Variants in OCA2 observed in about 807,000 individuals in gnomAD.
OCA2 encodes OCA2 melanosomal transmembrane protein, also known as P protein.
A neutral mutation model predicts 100.2 loss-of-function variants in OCA2; 77 were observed. That is an observed-to-expected ratio of 0.77 (90% CI 0.64 to 0.93). The LOEUF (loss-of-function observed/expected upper bound fraction) is 0.93. Among genes scored for constraint, OCA2 ranks in the 40% least tolerant of loss-of-function variants. The pLI, the probability that OCA2 is intolerant of heterozygous loss-of-function variation, is 0.00. For synonymous variants in OCA2, 432 were observed against 439.2 expected, an observed-to-expected ratio of 0.98 and a Z score of 0.21; for missense variants, 1,062 against 1,089.1, an observed-to-expected ratio of 0.98 and a Z score of 0.35.
At chr15:28,021,596 C>G (rs574989472) in intron 6 of OCA2, among the ~76,000 whole-genome samples, 1 of 152,332 alleles carries the variant, frequency 6.6e-6, no homozygotes, top group East Asian at 1.9e-4. Flanking sequence ...TTCTTGCAGG[C>G]TTTTCCTCCA....
At chr15:27,938,204 G>T (rs1199090630) in intron 18 of OCA2, among the ~76,000 whole-genome samples, 1 of 152,182 alleles carries the variant, frequency 6.6e-6, no homozygotes, top group Non-Finnish European at 1.5e-5. Context: ...ACATAGATTA[G>T]GTCCTCTTAA....
chr15:27,922,502 TG>T (rs755702958), intron 19 of OCA2, among the ~76,000 whole-genome samples: 4 of 152,220 alleles, frequency 2.6e-5, no homozygotes, highest in Non-Finnish European at 4.4e-5. Context: ...TCTTTACATT[TG>T]TTTACATTTC....
At chr15:27,736,025 T>A in the OCA2 span, among the ~76,000 whole-genome samples, 1 of 152,210 alleles carries the variant, frequency 6.6e-6, no homozygotes, top group African/African-American at 2.4e-5. Context: ...GTAATACATA[T>A]GGTAATTAGT....
chr15:27,771,484 G>T (rs373328765), intron 23 of OCA2, among the ~76,000 whole-genome samples: 4 of 152,186 alleles, frequency 2.6e-5, no homozygotes, highest in African/African-American at 7.2e-5. Context: ...GCGCCCAGCT[G>T]GGGGGTGCTC....
chr15:27,934,009 TG>T (rs959764967), intron 18 of OCA2, among the ~76,000 whole-genome samples: 10 of 152,212 alleles, frequency 6.6e-5, no homozygotes, highest in Non-Finnish European at 8.8e-5. Context: ...ATATCACATA[TG>T]GATATATACA....
intron 6 of OCA2, among the ~76,000 whole-genome samples, chr15:28,019,451 G>A (rs1460404795): frequency 2.0e-5 from 3 of 152,082 alleles, no homozygotes; most frequent in African/African-American, 7.2e-5. Context: ...AACAATTCAG[G>A]GACAAAGAAC....
intron 23 of OCA2, among the ~76,000 whole-genome samples, chr15:27,830,325 A>C: frequency 6.6e-6 from 1 of 152,216 alleles, no homozygotes; most frequent in East Asian, 1.9e-4. Context: ...CTGGAGACCC[A>C]TGTTTTATAG....
chr15:27,826,860 C>T (rs1024713895), intron 23 of OCA2, among the ~76,000 whole-genome samples: 17 of 152,226 alleles, frequency 1.1e-4, no homozygotes, highest in African/African-American at 2.2e-4. Context: ...TTTAGCCTTG[C>T]GTAACAAATA....
At chr15:28,040,856 C>T (rs12441035) in intron 2 of OCA2, among the ~76,000 whole-genome samples, 15,678 of 152,058 alleles carry the variant, frequency 0.1, 1,137 homozygotes, top group Middle Eastern at 0.24. Context: ...AACTTCCCAA[C>T]AAAGAAAAGC....
At chr15:27,921,754 G>A (rs2038867126) in intron 19 of OCA2, among the ~76,000 whole-genome samples, 1 of 152,148 alleles carries the variant, frequency 6.6e-6, no homozygotes, top group South Asian at 2.1e-4. Flanking sequence ...AGGCTGGTGT[G>A]CAGTGGCACA....
At chr15:27,823,486 T>C (rs1249932918) in intron 23 of OCA2, among the ~76,000 whole-genome samples, 2 of 152,264 alleles carry the variant, frequency 1.3e-5, no homozygotes, top group Admixed American at 6.5e-5. Flanking sequence ...ATAATAAATC[T>C]GCTTAGATAA....
At chr15:27,998,016 G>A (rs1047819567) in intron 9 of OCA2, among the ~76,000 whole-genome samples, 2 of 140,936 alleles carry the variant, frequency 1.4e-5, no homozygotes, top group African/African-American at 4.9e-5. Flanking sequence ...TGTGATTTTT[G>A]TACATTGATT....
intron 23 of OCA2, among the ~76,000 whole-genome samples, chr15:27,843,619 G>A (rs1158772215): frequency 3.9e-5 from 6 of 152,112 alleles, no homozygotes; most frequent in Admixed American, 6.5e-5. Flanking sequence ...GAGTCCCACC[G>A]GGAGACGCAC....
chr15:27,964,565 C>G (rs1027746198), intron 15 of OCA2, among the ~76,000 whole-genome samples: 2 of 152,174 alleles, frequency 1.3e-5, no homozygotes, highest in Admixed American at 6.5e-5. Flanking sequence ...AGATGATGAT[C>G]AGGGCCCCTG....
chr15:27,768,465 A>C (rs1473702155), intron 23 of OCA2, among the ~76,000 whole-genome samples: 1 of 152,160 alleles, frequency 6.6e-6, no homozygotes, highest in African/African-American at 2.4e-5. Context: ...CCTGCCTGGA[A>C]TTTGTGATAC....
At position 28,009,614 on chromosome 15, in the gene OCA2, C is replaced by T. The variant is rs370929192; in HGVS notation, c.1044+5162G>A. 3.3e-5 allele frequency among the ~76,000 whole-genome samples: 5 copies of T among 151,740 alleles called. No homozygotes were observed. In the East Asian group the frequency reaches 9.7e-4, roughly 30 times the overall value. Reference sequence around the variant, plus strand: ...GAGGCAGGGGAATCACTTGAACCCACAAGGCGCAGGTTGCAGTGGGCTGAG... The same window carrying T: ...GAGGCAGGGGAATCACTTGAACCCATAAGGCGCAGGTTGCAGTGGGCTGAG... On this transcript the variant is annotated intron_variant, in intron 9 of 23. Transcript: ENST00000354638.
chr15:27,847,829 G>A (rs902765913), intron 22 of OCA2, among the ~76,000 whole-genome samples: 1 of 152,184 alleles, frequency 6.6e-6, no homozygotes, highest in African/African-American at 2.4e-5. Flanking sequence ...AAACCAGCCG[G>A]TGTTAGCCGT....
At position 27,847,178 on chromosome 15, in the gene OCA2, G is replaced by A. The variant is rs142693732; in HGVS notation, c.2339-2126C>T. 7.6e-3 allele frequency among the ~76,000 whole-genome samples: 1,163 copies of A among 152,296 alleles called. 13 individuals carry two copies. Among genetic ancestry groups the A allele is most frequent in the African/African-American group, 0.026 (1,065 of 41,566 alleles). On this transcript the variant is annotated intron_variant, in intron 22 of 23. Transcript: ENST00000354638. The stretch of plus-strand genomic sequence containing the variant: ...ACATCAACTCGTTAAGTCGCACAGA[G>A]CCCTGTTTCTTTAAAGAATGCTTTA...
At chr15:27,939,200 T>A (rs970720100) in intron 18 of OCA2, among the ~76,000 whole-genome samples, 13 of 152,244 alleles carry the variant, frequency 8.5e-5, no homozygotes, top group Non-Finnish European at 1.5e-4. Context: ...AAGGAAGGCA[T>A]CATAGCTGTT....
Sources: allele counts gnomAD v4.1 joint callset (sites outside exome capture counted in the v4.1 genomes callset), GRCh38; gene constraint gnomAD v4.1.1; transcripts MANE v1.5; gene names NCBI Gene and HGNC (gene_info 2026-07-23, HGNC 2026-07-21).